Variants in ABCA10 observed in about 807,000 individuals in gnomAD.
ABCA10 encodes the protein ATP-binding cassette sub-family A member 10.
ABCA10 carries 169 observed loss-of-function variants against 187.5 expected under a neutral mutation model. The observed-to-expected ratio is 0.90, with a 90% confidence interval of 0.80 to 1.02. The LOEUF is 1.02. Ranked by LOEUF, ABCA10 falls within the 50% of genes least tolerant of loss-of-function variation. The pLI is 0.00. For missense variants in ABCA10, 1,727 were observed against 1,812.4 expected, an observed-to-expected ratio of 0.95 and a Z score of 0.86; for synonymous variants, 574 against 601.8, an observed-to-expected ratio of 0.95 and a Z score of 0.68.
At chr17:69,206,097 T>C (rs932042398) in intron 9 of ABCA10, among the ~76,000 whole-genome samples, 1 of 152,208 alleles carries the variant, frequency 6.6e-6, no homozygotes, top group Non-Finnish European at 1.5e-5. Flanking sequence ...ATACAATGTC[T>C]GTGAACAAAG....
At chr17:69,207,323 T>C (rs7212188) in intron 9 of ABCA10, among the ~76,000 whole-genome samples, 102,305 of 152,018 alleles carry the variant, frequency 0.67, 35,124 homozygotes, top group African/African-American at 0.77. Context: ...TTATGAAAAA[T>C]ATGATGAAGG....
At chr17:69,230,321 A>C (rs1271470156), upstream of ABCA10, among the ~76,000 whole-genome samples, 1 of 152,106 alleles carries the variant, frequency 6.6e-6, no homozygotes, top group Non-Finnish European at 1.5e-5. Context: ...AGCAATAAAA[A>C]ACAAGCTAAG....
rs2074786448 is a variant in ABCA10, at chr17:69,225,448, G to A, written c.-90C>T. On this transcript the variant is annotated 5_prime_UTR_variant, in exon 3 of 39. Transcript: ENST00000690296. Reference sequence around the variant, plus strand: ...TCCACGCTTCCCAGGACTTTAGGAGGTTGTTCAGGAAAACGGGTAGCTCTG... The same window carrying A: ...TCCACGCTTCCCAGGACTTTAGGAGATTGTTCAGGAAAACGGGTAGCTCTG... 1 of 1,409,514 alleles carries A rather than the reference G, an allele frequency of 7.1e-7. No individual in the cohort carries two copies. The highest frequency in any genetic ancestry group is 2.3e-5 in the East Asian group (1 of 43,308). The allele number at this position is 1,409,514 out of a possible 1,614,324, so 87.3% of individuals were successfully genotyped here.
At chr17:69,230,583 A>G (rs566078343), upstream of ABCA10, among the ~76,000 whole-genome samples, 156 of 152,208 alleles carry the variant, frequency 1.0e-3, 1 homozygote, top group African/African-American at 3.6e-3. Context: ...TCCACGTTAC[A>G]TAATACCAAC....
Position 69,201,590 on chromosome 17 carries a change from T to A in ABCA10, c.1085A>T (p.Glu362Val), listed in dbSNP as rs1388100227. ...FWSKHQNTHH[E>V]IFENEINPEH... ...AGGATTTATTTCATTCTCAAAGATTTCATGATGAGTATTTTGATGTTTGGA... is the reference window on the plus strand; with the variant it reads ...AGGATTTATTTCATTCTCAAAGATTACATGATGAGTATTTTGATGTTTGGA... The change falls in exon 10 of 39, where the codon GAA becomes GTA. Residue 362 changes from glutamate to valine, a missense_variant. Physicochemically the swap from Glu to Val is moderately radical, Grantham distance 121. Transcript: ENST00000690296. 1 of 1,612,992 alleles carries A rather than the reference T, an allele frequency of 6.2e-7. No homozygotes were observed. Among genetic ancestry groups the A allele is most frequent in the East Asian group, 2.2e-5 (1 of 44,792 alleles).
chr17:69,188,916 T>A (rs1483631374), intron 18 of ABCA10, among the ~76,000 whole-genome samples: 1 of 152,206 alleles, frequency 6.6e-6, no homozygotes, highest in East Asian at 1.9e-4. Flanking sequence ...TAACACCTTT[T>A]CTTTATCCAG....
chr17:69,214,714 TC>T lies in ABCA10; in HGVS notation c.995del (p.Arg332GlnfsTer37). 1 of 1,505,956 alleles carries T rather than the reference TC, an allele frequency of 6.6e-7. No individual in the cohort carries two copies. Among genetic ancestry groups the T allele is most frequent in the Non-Finnish European group, 8.8e-7 (1 of 1,134,450 alleles). 93.3% of individuals were successfully genotyped at this position (1,505,956 alleles called of 1,614,324 possible). A position where few individuals can be genotyped will look rare whatever the true frequency, so the allele number is the denominator to read the frequency against. ...ACACTATTAACTTACCAGGTAAAAC[TC>T]GCTCAAAATATAATGTGAATATCAA... ...FYLIFTLYFE[R>X]VLPDKDGHGD... On this transcript the variant is annotated frameshift_variant, in exon 9 of 39. Transcript: ENST00000690296. LOFTEE classifies it high-confidence loss of function.
At position 69,211,346 on chromosome 17, in the gene ABCA10, T is replaced by TATATATA. The variant is rs2074655683; in HGVS notation, c.1006+3351_1006+3357dup. ...ATATATATATATATATATATATATA[T>TATATATA]ATATATATATATATACACACACACC... On this transcript the variant is annotated intron_variant, in intron 9 of 38. Transcript: ENST00000690296. 1.2e-3 allele frequency among the ~76,000 whole-genome samples: 34 copies of TATATATA among 27,752 alleles called. 1 individual carries two copies. The highest frequency in any genetic ancestry group is 5.2e-3 in the African/African-American group (34 of 6,530). 18.2% of individuals were successfully genotyped at this position (27,752 alleles called of 152,430 possible). A position where few individuals can be genotyped will look rare whatever the true frequency, so the allele number is the denominator to read the frequency against.
At chr17:69,149,355 G>C in intron 37 of ABCA10, 2 of 402,214 alleles carry the variant, frequency 5.0e-6, no homozygotes, top group Non-Finnish European at 8.9e-6. Flanking sequence ...TATATGCTTT[G>C]GACTCCAAAT....
chr17:69,159,363 GA>G, intron 27 of ABCA10, among the ~76,000 whole-genome samples: 1 of 151,900 alleles, frequency 6.6e-6, no homozygotes, highest in Non-Finnish European at 1.5e-5. Flanking sequence ...AGGGGAGAGA[GA>G]AAGAACAGAA....
chr17:69,177,961 A>ATAT (rs1479724561), intron 22 of ABCA10, among the ~76,000 whole-genome samples: 1 of 108,440 alleles, frequency 9.2e-6, no homozygotes, highest in African/African-American at 4.4e-5. Context: ...ATTTCAAAAA[A>ATAT]AAAAAAAAAA....
intron 1 of ABCA10, chr17:69,233,869 T>C (rs957554934): frequency 3.9e-5 from 6 of 152,298 alleles, no homozygotes; most frequent in South Asian, 2.1e-4. Context: ...CTAGCCCAGA[T>C]AGACCTGGGG....
At chr17:69,169,911 G>T (rs541433718) in intron 25 of ABCA10, among the ~76,000 whole-genome samples, 15 of 152,152 alleles carry the variant, frequency 9.9e-5, no homozygotes, top group African/African-American at 3.6e-4. Context: ...CAAAGATTTC[G>T]TGGCCATAGT....
At chr17:69,161,236 T>C (rs2074215498) in intron 27 of ABCA10, among the ~76,000 whole-genome samples, 1 of 152,148 alleles carries the variant, frequency 6.6e-6, no homozygotes, top group African/African-American at 2.4e-5. Flanking sequence ...AGAATGGTGA[T>C]TACCGGTTTG....
intron 2 of ABCA10, among the ~76,000 whole-genome samples, 196 bp downstream of exon 2, chr17:69,226,949 A>G (rs2074798508): frequency 6.6e-6 from 1 of 151,784 alleles, no homozygotes; most frequent in South Asian, 2.1e-4. Context: ...TTAATTTCAC[A>G]TTTGACACAA....
At chr17:69,240,019 T>C (rs1048939532) in intron 1 of ABCA10, among the ~76,000 whole-genome samples, 5 of 152,196 alleles carry the variant, frequency 3.3e-5, no homozygotes, top group Admixed American at 1.3e-4. Flanking sequence ...ATCTTAACAG[T>C]GTGTTCTTGC....
chr17:69,149,160 G>A (rs2074109984), intron 37 of ABCA10, 72 bp from the exon 38 acceptor site: 1 of 1,515,678 alleles, frequency 6.6e-7, no homozygotes, highest in African/African-American at 1.4e-5. Flanking sequence ...ATACAATAGA[G>A]ACAGTAGCTT....
chr17:69,236,296 A>G (rs958553721), intron 1 of ABCA10, among the ~76,000 whole-genome samples: 1 of 152,228 alleles, frequency 6.6e-6, no homozygotes, highest in African/African-American at 2.4e-5. Flanking sequence ...AGTAGTCCCA[A>G]ATTGGGAACC....
chr17:69,221,942 A>T, intron 4 of ABCA10, 47 bp from the exon 5 acceptor site: 2 of 1,394,424 alleles, frequency 1.4e-6, no homozygotes, highest in Non-Finnish European at 9.9e-7. Context: ...AATGGAGTCA[A>T]CTCCTGGAAT....
Sources: gnomAD v4.1 joint callset for allele counts (sites outside exome capture counted in the v4.1 genomes callset) on GRCh38, gnomAD v4.1.1 for gene constraint, MANE v1.5 for transcripts, NCBI Gene and HGNC (gene_info 2026-07-23, HGNC 2026-07-21) for gene names.